NOL10: variants seen among roughly 807,000 people sequenced by gnomAD.
NOL10 encodes the protein H_NH0074G24.1.
In NOL10, 58 loss-of-function variants were observed where a neutral mutation model predicts 103.5. The ratio of observed to expected loss-of-function variants is 0.56; its 90% confidence interval spans 0.45 to 0.70. The LOEUF is 0.70. NOL10 is among the 30% of genes least tolerant of loss of function. The pLI, the probability that NOL10 is intolerant of heterozygous loss-of-function variation, is 0.00. For synonymous variants in NOL10, 287 were observed against 282.5 expected (o/e 1.02, Z -0.16); for missense variants, 763 against 807.3 (o/e 0.95, Z 0.67).
intron 13 of NOL10, among the ~76,000 whole-genome samples, chr2:10,629,358 T>A (rs1677688385): frequency 6.6e-6 from 1 of 152,090 alleles, no homozygotes; most frequent in South Asian, 2.1e-4. Context: ...TTACTTTATA[T>A]TCATACAGAA....
At chr2:10,587,275 ATT>A (rs70953314) in intron 19 of NOL10, among the ~76,000 whole-genome samples, 4 of 22,584 alleles carry the variant, frequency 1.8e-4, no homozygotes, top group African/African-American at 1.2e-3. Flanking sequence ...ATATATATAT[ATT>A]TTTTTTTTTT....
chr2:10,594,299 A>G (rs1399523100), intron 17 of NOL10, among the ~76,000 whole-genome samples: 1 of 152,184 alleles, frequency 6.6e-6, no homozygotes, highest in Non-Finnish European at 1.5e-5. Context: ...ATGTCTGAAA[A>G]TATCTACCAT....
chr2:10,638,784 T>A (rs1332601695), intron 13 of NOL10, among the ~76,000 whole-genome samples: 1 of 136,526 alleles, frequency 7.3e-6, no homozygotes. Flanking sequence ...TGAGCCACCG[T>A]GCCTGGCCTT....
intron 13 of NOL10, among the ~76,000 whole-genome samples, chr2:10,626,576 C>T (rs185890666): frequency 6.6e-6 from 1 of 151,918 alleles, no homozygotes; most frequent in East Asian, 1.9e-4. Flanking sequence ...TAACTAAAGA[C>T]ATCGCCACCT....
chr2:10,646,019 A>G (rs958141198), intron 12 of NOL10, among the ~76,000 whole-genome samples: 2 of 152,138 alleles, frequency 1.3e-5, no homozygotes, highest in Middle Eastern at 3.2e-3. Flanking sequence ...AGCAAGAATA[A>G]TGTCTAAATT....
At chr2:10,680,304 AAGAGGGAGAAGAGGGAGAAGAGGG>A (rs1558354089) in intron 3 of NOL10, among the ~76,000 whole-genome samples, 9 of 125,434 alleles carry the variant, frequency 7.2e-5, no homozygotes, top group Middle Eastern at 3.9e-3. Context: ...GAAGAAGGAG[AAGAGGGAGAAGAGGGAGAAGAGGG>A]AGAGGGAGAA....
At chr2:10,592,235 A>G (rs1675427852) in intron 17 of NOL10, among the ~76,000 whole-genome samples, 1 of 152,196 alleles carries the variant, frequency 6.6e-6, no homozygotes, top group Non-Finnish European at 1.5e-5. Context: ...AGATCCAGCT[A>G]TGGAGATGGG....
Position 10,684,553 on chromosome 2 carries a change from A to T in NOL10, c.112+14T>A. The T allele has an allele frequency of 6.4e-7, 1 of 1,567,842 alleles. No individual in the cohort carries two copies. Among genetic ancestry groups the T allele is most frequent in the Non-Finnish European group, 8.7e-7 (1 of 1,154,568 alleles). On this transcript the variant is annotated intron_variant, in intron 2 of 20. Coordinates refer to ENST00000381685, the MANE Select transcript of NOL10 (RefSeq NM_024894.4). Reference sequence around the variant, plus strand: ...ATCACTAACGCAGCTGAAGTGGGAAAAAACAATACTCACCTACATCTTTCT... The same window carrying T: ...ATCACTAACGCAGCTGAAGTGGGAATAAACAATACTCACCTACATCTTTCT...
rs867748937 is a variant in NOL10 at position 10,627,567 on chromosome 2, C to T, written c.1026+16753G>A. 4.3e-4 allele frequency among the ~76,000 whole-genome samples: 65 copies of T among 151,714 alleles called. 1 individual carries two copies. The highest frequency in any genetic ancestry group is 2.6e-4 in the Non-Finnish European group (18 of 67,942). On this transcript the variant is annotated intron_variant, in intron 13 of 20. Transcript: ENST00000381685. ...GCGGGTGCCTGTAGTCCCAGCTACT[C>T]GGGAGGCTGAGGCAGGAGAATGGCG... is the stretch of plus-strand genomic sequence containing the variant.
chr2:10,682,523 C>T (rs910465179), intron 2 of NOL10, among the ~76,000 whole-genome samples: 3 of 151,668 alleles, frequency 2.0e-5, no homozygotes, highest in African/African-American at 7.3e-5. Context: ...CCTCAGCCCC[C>T]CCAAATAGCT....
chr2:10,627,493 G>A (rs900865757), intron 13 of NOL10, among the ~76,000 whole-genome samples: 1 of 152,040 alleles, frequency 6.6e-6, no homozygotes, highest in African/African-American at 2.4e-5. Context: ...GGCTAACACA[G>A]TGAAACCCCG....
intron 13 of NOL10, among the ~76,000 whole-genome samples, chr2:10,623,274 C>T (rs7563816): frequency 0.59 from 89,708 of 151,670 alleles, 27,516 homozygotes; most frequent in African/African-American, 0.74. Flanking sequence ...CCAGTCTTAC[C>T]GGAGAAGTAT....
At chr2:10,650,060 T>C (rs888072028) in intron 12 of NOL10, among the ~76,000 whole-genome samples, 2 of 152,242 alleles carry the variant, frequency 1.3e-5, no homozygotes, top group Non-Finnish European at 2.9e-5. Flanking sequence ...TCATTAAGAA[T>C]GTTTTCTGAC....
intron 13 of NOL10, among the ~76,000 whole-genome samples, chr2:10,610,454 GA>G (rs1055796611): frequency 1.2e-3 from 188 of 152,208 alleles, no homozygotes; most frequent in Non-Finnish European, 2.0e-3. Flanking sequence ...AATTTTCTAG[GA>G]AAAAATATTT....
At chr2:10,643,066 A>G (rs1487965373) in intron 13 of NOL10, among the ~76,000 whole-genome samples, 2 of 152,374 alleles carry the variant, frequency 1.3e-5, no homozygotes, top group East Asian at 3.9e-4. Context: ...ATAAGTTGAC[A>G]GGAATATGAA....
intron 14 of NOL10, 57 bp from the exon 15 acceptor site, chr2:10,603,214 A>G: frequency 7.6e-7 from 1 of 1,313,022 alleles, no homozygotes; most frequent in South Asian, 1.3e-5. Context: ...TTAACATTCA[A>G]CAGTTTTTCT....
chr2:10,638,325 G>GACGTAACGTA (rs1256527446), intron 13 of NOL10, among the ~76,000 whole-genome samples: 1 of 127,166 alleles, frequency 7.9e-6, no homozygotes, highest in Admixed American at 7.3e-5. Flanking sequence ...GACGTGACGT[G>GACGTAACGTA]ACGTGACGTA....
intron 13 of NOL10, chr2:10,634,684 T>C: frequency 2.3e-6 from 1 of 442,490 alleles, no homozygotes; most frequent in Non-Finnish European, 4.5e-6. Context: ...GACTAAGTCC[T>C]AGCGCTCACT....
At chr2:10,609,377 G>C (rs1676430563) in intron 13 of NOL10, among the ~76,000 whole-genome samples, 1 of 149,256 alleles carries the variant, frequency 6.7e-6, no homozygotes, top group East Asian at 2.0e-4. Context: ...CACGAGGTCA[G>C]GAGATTGAGA....
Sources: allele counts gnomAD v4.1 joint callset (sites outside exome capture counted in the v4.1 genomes callset), GRCh38; gene constraint gnomAD v4.1.1; transcripts MANE v1.5; gene names NCBI Gene and HGNC (gene_info 2026-07-23, HGNC 2026-07-21).